The following MVB12B variants were observed in gnomAD, a reference collection of about 807,000 sequenced individuals.
MVB12B encodes the protein ESCRT-I complex subunit MVB12B.
In MVB12B, 16 loss-of-function variants were observed where a neutral mutation model predicts 41.6. The observed-to-expected ratio is 0.38, with a 90% CI of 0.26 to 0.58. The LOEUF (loss-of-function observed/expected upper bound fraction) is 0.58. Ranked by LOEUF, MVB12B falls within the 20% of genes least tolerant of loss-of-function variation. The probability of loss-of-function intolerance (pLI) is 0.62; values close to 1 mark genes in which losing one functional copy is unlikely to be tolerated. For synonymous variants in MVB12B, 133 were observed against 139.7 expected (o/e 0.95, Z 0.34); for missense variants, 274 against 380.2 (o/e 0.72, Z 2.32).
chr9:126,428,595 C>T (rs1832245709), intron 7 of MVB12B, among the ~76,000 whole-genome samples: 1 of 152,138 alleles, frequency 6.6e-6, no homozygotes, highest in African/African-American at 2.4e-5. Context: ...GGGTAAAAGA[C>T]TCAAACAATG....
chr9:126,449,696 TA>T (rs747753423), intron 7 of MVB12B, among the ~76,000 whole-genome samples: 1 of 152,200 alleles, frequency 6.6e-6, no homozygotes, highest in Non-Finnish European at 1.5e-5. Flanking sequence ...GTTACATCAT[TA>T]CCTGCAGCGA....
intron 7 of MVB12B, among the ~76,000 whole-genome samples, chr9:126,427,251 A>G (rs774184656): frequency 1.3e-5 from 2 of 152,192 alleles, no homozygotes; most frequent in Non-Finnish European, 2.9e-5. Context: ...CTTGTTTGAA[A>G]TGAATCTAAA....
intron 7 of MVB12B, among the ~76,000 whole-genome samples, chr9:126,453,298 C>G (rs1218262807): frequency 6.6e-6 from 1 of 152,038 alleles, no homozygotes; most frequent in East Asian, 1.9e-4. Context: ...AACTTGTCAA[C>G]TGGGTGAGCA....
intron 7 of MVB12B, among the ~76,000 whole-genome samples, chr9:126,453,073 A>T (rs1345861496): frequency 2.0e-5 from 3 of 151,914 alleles, no homozygotes; most frequent in Non-Finnish European, 4.4e-5. Context: ...AGGGGCTGAA[A>T]ATGCCTGCCT....
chr9:126,387,493 T>C (rs1413604897), intron 4 of MVB12B, among the ~76,000 whole-genome samples: 1 of 152,200 alleles, frequency 6.6e-6, no homozygotes, highest in African/African-American at 2.4e-5. Context: ...GGTCCCACTG[T>C]TTTTTGCTGT....
In MVB12B at chr9:126,367,325, C is replaced by T. The variant is rs983337453; in HGVS notation, c.205-13739C>T. Among the ~76,000 whole-genome samples the T allele has an allele frequency of 3.9e-5, 6 of 152,118 alleles. No individual in the cohort carries two copies. Among genetic ancestry groups the T allele is most frequent in the African/African-American group, 1.2e-4 (5 of 41,398 alleles). On this transcript the variant is annotated intron_variant, in intron 2 of 9. Coordinates refer to ENST00000361171, the MANE Select transcript of MVB12B (RefSeq NM_033446.3). The surrounding 1 kb of genome is among the most constrained non-coding windows in gnomAD (Gnocchi z 4.3). ...CCTGCAGCCTCCCAGGTTCCAGCTCCTCCCACCAGATCTCTGTGGTCGTAT... is the reference window on the plus strand; with the variant it reads ...CCTGCAGCCTCCCAGGTTCCAGCTCTTCCCACCAGATCTCTGTGGTCGTAT...
At chr9:126,481,563 T>C in intron 8 of MVB12B, 139 bp downstream of exon 8, 1 of 715,152 alleles carries the variant, frequency 1.4e-6, no homozygotes, top group Non-Finnish European at 2.5e-6. Context: ...CGCCTGCGTG[T>C]CCTCTCTCCC....
At chr9:126,466,388 T>TG (rs1833198873) in intron 7 of MVB12B, among the ~76,000 whole-genome samples, 1 of 152,334 alleles carries the variant, frequency 6.6e-6, no homozygotes, top group East Asian at 1.9e-4. Flanking sequence ...GCTGGTGTCA[T>TG]AACTGCTAAT....
intron 7 of MVB12B, among the ~76,000 whole-genome samples, chr9:126,440,521 A>G (rs1832605260): frequency 6.6e-6 from 1 of 152,150 alleles, no homozygotes; most frequent in Admixed American, 6.5e-5. Context: ...AATACATGTA[A>G]TAAAGTAGTC....
intron 7 of MVB12B, among the ~76,000 whole-genome samples, chr9:126,476,132 A>G (rs1412405486): frequency 1.8e-5 from 2 of 111,116 alleles, no homozygotes; most frequent in African/African-American, 2.8e-5. Flanking sequence ...CTCCTCAGAC[A>G]TTTCAGGAAT....
intron 2 of MVB12B, among the ~76,000 whole-genome samples, chr9:126,342,964 C>T (rs540249751): frequency 4.5e-4 from 68 of 152,294 alleles, no homozygotes; most frequent in South Asian, 1.5e-3. Flanking sequence ...TTTCTCCCTG[C>T]GCACAGAGCC....
At chr9:126,335,646 G>C (rs1588081390) in intron 1 of MVB12B, among the ~76,000 whole-genome samples, 1 of 152,222 alleles carries the variant, frequency 6.6e-6, no homozygotes, top group African/African-American at 2.4e-5. Context: ...TTCTATGAAG[G>C]CCGGAGCAGC....
intron 9 of MVB12B, among the ~76,000 whole-genome samples, chr9:126,500,060 G>A (rs1489580890): frequency 6.6e-6 from 1 of 152,140 alleles, no homozygotes; most frequent in Non-Finnish European, 1.5e-5. Context: ...CATCCAGAAA[G>A]CTCCCGCTAG....
intron 4 of MVB12B, among the ~76,000 whole-genome samples, chr9:126,387,840 A>G (rs1300141104): frequency 6.6e-6 from 1 of 151,916 alleles, no homozygotes; most frequent in Non-Finnish European, 1.5e-5. Context: ...AAGCACACTC[A>G]CTCCTTAGGG....
intron 3 of MVB12B, 97 bp downstream of exon 3, chr9:126,381,268 C>A: frequency 1.2e-6 from 1 of 837,002 alleles, no homozygotes; most frequent in Non-Finnish European, 1.9e-6. Context: ...GGTTTATTTT[C>A]ATTGCCATAT....
At chr9:126,342,832 G>A (rs1251278202) in intron 2 of MVB12B, among the ~76,000 whole-genome samples, 1 of 152,356 alleles carries the variant, frequency 6.6e-6, no homozygotes, top group Non-Finnish European at 1.5e-5. Flanking sequence ...AAACCAAAGT[G>A]CAAGGCGCTC....
intron 9 of MVB12B, among the ~76,000 whole-genome samples, chr9:126,496,243 AC>A (rs1297495207): frequency 2.0e-5 from 2 of 98,474 alleles, no homozygotes; most frequent in African/African-American, 8.6e-5. Flanking sequence ...ACACCCACTT[AC>A]CCAACCATCC....
intron 7 of MVB12B, among the ~76,000 whole-genome samples, chr9:126,427,377 C>G (rs1832211490): frequency 6.6e-6 from 1 of 152,072 alleles, no homozygotes; most frequent in South Asian, 2.1e-4. Context: ...TCCCTGACCC[C>G]CTGCCCAAAC....
rs918919792 is a variant in MVB12B at position 126,496,492 on chromosome 9, C to T, written c.874-6685C>T. On this transcript the variant is annotated intron_variant, in intron 9 of 9. Coordinates refer to ENST00000361171, the MANE Select transcript of MVB12B (RefSeq NM_033446.3). ...CTGTTCACTCATTCCTGCATTCATT[C>T]TAGGCTGTGATCTCTACTGGGCTCT... Among the ~76,000 whole-genome samples the T allele has an allele frequency of 2.6e-5, 3 of 117,640 alleles. No individual in the cohort carries two copies. The Admixed American group carries it at 3.7e-4, about 14-fold the overall frequency. The allele number at this position is 117,640 out of a possible 152,430, so 77.2% of individuals were successfully genotyped here. A position where few individuals can be genotyped will look rare whatever the true frequency, so the allele number is the denominator to read the frequency against.
Sources: allele counts gnomAD v4.1 joint callset (sites outside exome capture counted in the v4.1 genomes callset), GRCh38; gene constraint gnomAD v4.1.1; non-coding constraint Gnocchi (gnomAD v3.1); transcripts MANE v1.5; gene names NCBI Gene and HGNC (gene_info 2026-07-23, HGNC 2026-07-21).